ELAVL4: variants seen among roughly 807,000 people sequenced by gnomAD.
ELAVL4 encodes the protein ELAV like RNA binding protein 4.
A neutral mutation model predicts 35.6 loss-of-function variants in ELAVL4; 1 was observed. The ratio of observed to expected loss-of-function variants is 0.03; its 90% confidence interval spans 0.01 to 0.13. The LOEUF (loss-of-function observed/expected upper bound fraction) is 0.13, where lower values mean the gene tolerates loss of function less well. Ranked by LOEUF, ELAVL4 falls within the 10% of genes least tolerant of loss-of-function variation. The probability of loss-of-function intolerance (pLI) is 1.00; values close to 1 mark genes in which losing one functional copy is unlikely to be tolerated. For synonymous variants in ELAVL4, 156 were observed against 171.0 expected, an observed-to-expected ratio of 0.91 and a Z score of 0.69; for missense variants, 267 against 464.9, an observed-to-expected ratio of 0.57 and a Z score of 3.91.
At chr1:50,098,938 A>G (rs192155060), upstream of ELAVL4, among the ~76,000 whole-genome samples, 11 of 152,314 alleles carry the variant, frequency 7.2e-5, no homozygotes, top group Middle Eastern at 3.4e-3. Flanking sequence ...GCAGAAGGGA[A>G]GTGCCTGACC....
chr1:50,111,347 A>T (rs1372492990), intron 1 of ELAVL4, among the ~76,000 whole-genome samples: 1 of 151,932 alleles, frequency 6.6e-6, no homozygotes, highest in Non-Finnish European at 1.5e-5. Context: ...TATTGAATGA[A>T]GTTGACGGAA....
At chr1:50,181,962 C>T (rs1037240844) in intron 3 of ELAVL4, among the ~76,000 whole-genome samples, 4 of 152,198 alleles carry the variant, frequency 2.6e-5, no homozygotes, top group Admixed American at 1.3e-4. Flanking sequence ...GGATTACAGG[C>T]GTGAGCCACC....
At chr1:50,142,543 C>A (rs1212718410) in intron 1 of ELAVL4, among the ~76,000 whole-genome samples, 1 of 152,150 alleles carries the variant, frequency 6.6e-6, no homozygotes, top group Non-Finnish European at 1.5e-5. Flanking sequence ...TTGACTCAAA[C>A]ACTCATTCCA....
At chr1:50,122,979 G>A (rs1043646958) in intron 1 of ELAVL4, among the ~76,000 whole-genome samples, 4 of 151,996 alleles carry the variant, frequency 2.6e-5, no homozygotes, top group Non-Finnish European at 5.9e-5. Flanking sequence ...AGTAGTAAAG[G>A]AGACATGGCC....
At chr1:50,106,734 T>C (rs974092337), upstream of ELAVL4, among the ~76,000 whole-genome samples, 1 of 152,146 alleles carries the variant, frequency 6.6e-6, no homozygotes, top group Non-Finnish European at 1.5e-5. Flanking sequence ...GTGCATTTGT[T>C]TGAGGATTCT....
intron 1 of ELAVL4, among the ~76,000 whole-genome samples, chr1:50,094,503 A>C (rs1455315947): frequency 6.6e-6 from 1 of 152,182 alleles, no homozygotes. Context: ...TCAAGACAGG[A>C]TCAAGATACC....
intron 1 of ELAVL4, among the ~76,000 whole-genome samples, chr1:50,055,018 C>A (rs1360069207): frequency 2.0e-5 from 3 of 152,226 alleles, no homozygotes; most frequent in South Asian, 2.1e-4. Flanking sequence ...TTCTCTCTCT[C>A]TATGGGTTCT....
intron 1 of ELAVL4, 76 bp from the exon 2 acceptor site, chr1:50,144,881 A>G: frequency 6.4e-7 from 1 of 1,572,236 alleles, no homozygotes; most frequent in Non-Finnish European, 8.6e-7. Flanking sequence ...TTTTCAAAAA[A>G]ATTAATAAAC....
intron 4 of ELAVL4, 122 bp from the exon 5 acceptor site, chr1:50,195,439 T>C (rs1643988871): frequency 9.6e-7 from 1 of 1,045,100 alleles, no homozygotes; most frequent in Non-Finnish European, 1.4e-6. Flanking sequence ...GGAGCTGGGC[T>C]CAGCCCTGGC....
At chr1:50,190,643 T>C (rs1289458749) in intron 3 of ELAVL4, among the ~76,000 whole-genome samples, 15 of 152,228 alleles carry the variant, frequency 9.9e-5, no homozygotes, top group African/African-American at 2.4e-5. Context: ...TGTGTTGCAG[T>C]AATTCTCCCT....
intron 6 of ELAVL4, among the ~76,000 whole-genome samples, chr1:50,197,768 G>A (rs1233870428): frequency 1.3e-5 from 2 of 152,204 alleles, no homozygotes; most frequent in East Asian, 3.8e-4. Context: ...TCCCCTAAGG[G>A]GAAAGGCTCC....
chr1:50,073,515 A>G (rs1342306959), intron 1 of ELAVL4, among the ~76,000 whole-genome samples: 1 of 152,128 alleles, frequency 6.6e-6, no homozygotes, highest in Admixed American at 6.5e-5. Context: ...GGTCTGCAAG[A>G]TGCTAAATAA....
At position 50,200,936 on chromosome 1, in the gene ELAVL4, G is replaced by A; in HGVS notation, c.859G>A (p.Val287Ile). ...GHTGTGWCIFVYNLSPDSDES... is the reference protein window; with the variant it reads ...GHTGTGWCIFIYNLSPDSDES... The stretch of plus-strand genomic sequence containing the variant: ...CACAGGAACTGGGTGGTGCATCTTT[G>A]TCTACAACCTGTCCCCCGATTCCGA... The change falls in exon 7 of 7, where the codon GTC becomes ATC. Residue 287 changes from valine to isoleucine, a missense_variant. Physicochemically the swap from Val to Ile is conservative, Grantham distance 29. This residue lies in a region of ELAVL4 where 216 missense variants were observed against 409.5 expected (regional missense o/e 0.53). Coordinates refer to ENST00000371824, the MANE Select transcript of ELAVL4 (RefSeq NM_001144774.3). The A allele has an allele frequency of 1.2e-6, 2 of 1,614,066 alleles. No individual in the cohort carries two copies. The highest frequency in any genetic ancestry group is 1.7e-6 in the Non-Finnish European group (2 of 1,180,002).
At chr1:50,085,502 G>A (rs938633754) in intron 1 of ELAVL4, among the ~76,000 whole-genome samples, 4 of 152,174 alleles carry the variant, frequency 2.6e-5, no homozygotes, top group Non-Finnish European at 5.9e-5. Flanking sequence ...ATCTGGGCAG[G>A]ATCTTCTGAA....
chr1:50,180,323 A>G (rs1680824452), intron 3 of ELAVL4: 1 of 152,194 alleles, frequency 6.6e-6, no homozygotes, highest in African/African-American at 2.4e-5. Flanking sequence ...TCATTGGTGC[A>G]TTTTAGATTT....
chr1:50,070,320 T>C (rs1318105454), intron 1 of ELAVL4, among the ~76,000 whole-genome samples: 1 of 152,228 alleles, frequency 6.6e-6, no homozygotes, highest in African/African-American at 2.4e-5. Context: ...CACTCATTTA[T>C]TACTATTTGA....
At chr1:50,187,721 G>T (rs1351499079) in intron 3 of ELAVL4, among the ~76,000 whole-genome samples, 3 of 152,152 alleles carry the variant, frequency 2.0e-5, no homozygotes, top group Non-Finnish European at 4.4e-5. Flanking sequence ...GATGGCCCTG[G>T]GGTGTGAAGC....
intron 2 of ELAVL4, among the ~76,000 whole-genome samples, chr1:50,164,886 A>T (rs1677465733): frequency 6.6e-6 from 1 of 152,226 alleles, no homozygotes; most frequent in African/African-American, 2.4e-5. Flanking sequence ...CCCAACAAAC[A>T]TTTACTGGAT....
At chr1:50,142,791 A>G (rs1472549830) in intron 1 of ELAVL4, among the ~76,000 whole-genome samples, 2 of 152,174 alleles carry the variant, frequency 1.3e-5, no homozygotes, top group African/African-American at 4.8e-5. Flanking sequence ...AAATATGTAC[A>G]TTTTTGTACC....
Sources: allele counts gnomAD v4.1 joint callset (sites outside exome capture counted in the v4.1 genomes callset), GRCh38; gene constraint gnomAD v4.1.1; regional missense constraint gnomAD v4.1.1; transcripts MANE v1.5; gene names NCBI Gene and HGNC (gene_info 2026-07-23, HGNC 2026-07-21).